The following PCDH15 variants were observed in gnomAD, a reference collection of about 807,000 sequenced individuals.
PCDH15 encodes protocadherin-15.
Under a neutral mutation model 178.5 loss-of-function variants are expected in PCDH15, and 129 were observed. That is an observed-to-expected ratio of 0.72 (90% CI 0.63 to 0.84). PCDH15 has a LOEUF of 0.84. Ranked by LOEUF, PCDH15 falls within the 40% of genes least tolerant of loss-of-function variation. The probability of loss-of-function intolerance (pLI) is 0.00; values close to 1 mark genes in which losing one functional copy is unlikely to be tolerated. For synonymous variants in PCDH15, 800 were observed against 732.0 expected, an observed-to-expected ratio of 1.09 and a Z score of -1.50; for missense variants, 2,230 against 2,099.9, an observed-to-expected ratio of 1.06 and a Z score of -1.21.
chr10:53,925,334 C>A (rs986922755), intron 25 of PCDH15, among the ~76,000 whole-genome samples: 1 of 152,098 alleles, frequency 6.6e-6, no homozygotes, highest in Non-Finnish European at 1.5e-5. Flanking sequence ...AGAGCTGTAA[C>A]GCTTACCGCG....
At chr10:54,842,759 A>G (rs533849876) in intron 3 of PCDH15, among the ~76,000 whole-genome samples, 1 of 151,812 alleles carries the variant, frequency 6.6e-6, no homozygotes, top group Non-Finnish European at 1.5e-5. Flanking sequence ...GTATTACCTC[A>G]TATAAAAAAA....
rs1003354193 is a variant in PCDH15, at chr10:55,423,384, C to T, written c.-156+204241G>A. On this transcript the variant is annotated intron_variant, in intron 2 of 5. Coordinates refer to the PCDH15 transcript ENST00000613346. ...CTAAAATTTTGACACATTAATAAAACGATAAGCTAACATGTCAACATCTAA... is the reference window on the plus strand; with the variant it reads ...CTAAAATTTTGACACATTAATAAAATGATAAGCTAACATGTCAACATCTAA... Among the ~76,000 whole-genome samples, 6 of 151,850 alleles carry T rather than the reference C, an allele frequency of 4.0e-5. 1 individual carries two copies. In the South Asian group the frequency reaches 6.2e-4, roughly 16 times the overall value.
chr10:54,034,028 T>A (rs1388898483), intron 18 of PCDH15, among the ~76,000 whole-genome samples: 1 of 151,874 alleles, frequency 6.6e-6, no homozygotes. Context: ...AGAAAAAAAA[T>A]TCTTAACTGG....
chr10:54,193,267 A>G (rs943046002), intron 11 of PCDH15, among the ~76,000 whole-genome samples: 6 of 152,204 alleles, frequency 3.9e-5, no homozygotes, highest in Non-Finnish European at 8.8e-5. Flanking sequence ...CCAGACAAGT[A>G]CGGGGTCACA....
intron 2 of PCDH15, among the ~76,000 whole-genome samples, chr10:55,475,477 C>A (rs1413852953): frequency 6.6e-6 from 1 of 152,084 alleles, no homozygotes; most frequent in African/African-American, 2.4e-5. Flanking sequence ...AAAATGTATA[C>A]AGGTTAAGCA....
chr10:54,953,890 T>C (rs1231556334), intron 2 of PCDH15, among the ~76,000 whole-genome samples: 1 of 151,308 alleles, frequency 6.6e-6, no homozygotes, highest in Non-Finnish European at 1.5e-5. Context: ...TAAGTTTCTT[T>C]CTAGCATTTA....
rs193065800 is a variant in PCDH15 at position 54,786,975 on chromosome 10, T to C, written c.-29+13950A>G. 1.5e-3 allele frequency among the ~76,000 whole-genome samples: 227 copies of C among 151,904 alleles called. 3 individuals carry two copies. Among genetic ancestry groups the C allele is most frequent in the African/African-American group, 5.0e-3 (207 of 41,522 alleles). On this transcript the variant is annotated intron_variant, in intron 1 of 37. Coordinates refer to ENST00000644397, the MANE Select transcript of PCDH15 (RefSeq NM_001384140.1). The stretch of plus-strand genomic sequence containing the variant: ...ATATTATATTTCTATATAATATCTC[T>C]AGATTTGTTTGTTCTAGGTTTTACT...
chr10:54,311,992 A>G (rs2060941537), intron 8 of PCDH15, among the ~76,000 whole-genome samples: 1 of 152,108 alleles, frequency 6.6e-6, no homozygotes, highest in Non-Finnish European at 1.5e-5. Context: ...ATACCACCAA[A>G]GTAAGGAAAA....
At chr10:54,587,533 T>A (rs77355690) in intron 2 of PCDH15, among the ~76,000 whole-genome samples, 73 of 140,474 alleles carry the variant, frequency 5.2e-4, no homozygotes, top group Non-Finnish European at 4.5e-4. Flanking sequence ...AAACACACAA[T>A]AAAAAAAAAA....
chr10:53,946,683 C>T (rs1406080369), intron 23 of PCDH15, among the ~76,000 whole-genome samples: 1 of 152,118 alleles, frequency 6.6e-6, no homozygotes. Context: ...TAAATATTTG[C>T]AGATTAAATG....
At chr10:55,065,417 A>G (rs1249334111) in intron 2 of PCDH15, among the ~76,000 whole-genome samples, 1 of 152,056 alleles carries the variant, frequency 6.6e-6, no homozygotes, top group East Asian at 1.9e-4. Context: ...CCTCCTTAGA[A>G]AGGTCCTGTT....
At chr10:54,387,475 T>C (rs984845286) in intron 3 of PCDH15, among the ~76,000 whole-genome samples, 1 of 152,210 alleles carries the variant, frequency 6.6e-6, no homozygotes, top group Non-Finnish European at 1.5e-5. Flanking sequence ...AAGCCACTCA[T>C]GAAAAAACAA....
chr10:54,298,094 G>GA (rs1323469759), intron 8 of PCDH15, among the ~76,000 whole-genome samples: 1 of 152,058 alleles, frequency 6.6e-6, no homozygotes, highest in East Asian at 1.9e-4. Flanking sequence ...GGAGAATTAG[G>GA]AAAAAGCCCA....
At chr10:55,431,813 AT>A (rs1463587960) in intron 2 of PCDH15, among the ~76,000 whole-genome samples, 2 of 152,084 alleles carry the variant, frequency 1.3e-5, no homozygotes, top group Non-Finnish European at 2.9e-5. Context: ...CCCATTAAAA[AT>A]AGCCCATATA....
In PCDH15 at chr10:54,022,922, C is replaced by A; in HGVS notation, c.2496G>T (p.Leu832Phe). 1 of 1,613,858 alleles carries A rather than the reference C, an allele frequency of 6.2e-7. No homozygotes were observed. The highest frequency in any genetic ancestry group is 1.7e-4 in the Middle Eastern group (1 of 6,060). ...STYTVLVEEN[L>F]PAGTTILQIE... is the part of the protein sequence containing the mutation. Reference sequence around the variant, plus strand: ...TTTGAAGGATGGTAGTCCCAGCTGGCAAATTCTCTTCAACAAGGACAGTGT... The same window carrying A: ...TTTGAAGGATGGTAGTCCCAGCTGGAAAATTCTCTTCAACAAGGACAGTGT... The change falls in exon 19 of 38, where the codon TTG (leucine) becomes TTT (phenylalanine). Residue 832 changes from leucine to phenylalanine, a missense_variant. By Grantham distance (22) the Leu-to-Phe change is conservative (BLOSUM62 0). Coordinates refer to ENST00000644397, the MANE Select transcript of PCDH15 (RefSeq NM_001384140.1).
chr10:55,536,689 C>T (rs943578127), intron 2 of PCDH15, among the ~76,000 whole-genome samples: 2 of 152,098 alleles, frequency 1.3e-5, no homozygotes, highest in Non-Finnish European at 2.9e-5. Context: ...TTTTCCTGCT[C>T]TCTCTTATTT....
At chr10:55,129,549 T>C (rs922016054) in intron 2 of PCDH15, among the ~76,000 whole-genome samples, 1 of 152,130 alleles carries the variant, frequency 6.6e-6, no homozygotes, top group Admixed American at 6.5e-5. Flanking sequence ...CTTATGACAA[T>C]AGTTCTTACC....
intron 8 of PCDH15, among the ~76,000 whole-genome samples, chr10:54,250,443 C>T (rs1309111362): frequency 2.0e-5 from 3 of 151,272 alleles, no homozygotes; most frequent in Non-Finnish European, 2.9e-5. Flanking sequence ...CCACCACGCC[C>T]GGCTAATTTT....
intron 30 of PCDH15, 34 bp downstream of exon 30, chr10:53,831,281 G>T (rs539720759): frequency 6.3e-7 from 1 of 1,590,978 alleles, no homozygotes; most frequent in East Asian, 2.2e-5. Context: ...GACTTCTGAG[G>T]AACTATCCAG....
Sources: gnomAD v4.1 joint callset for allele counts (sites outside exome capture counted in the v4.1 genomes callset) on GRCh38, gnomAD v4.1.1 for gene constraint, MANE v1.5 for transcripts, NCBI Gene and HGNC (gene_info 2026-07-23, HGNC 2026-07-21) for gene names.